GPAT4: variants seen among roughly 807,000 people sequenced by gnomAD.
The protein encoded by GPAT4 is 1-AGP acyltransferase 6.
In GPAT4, 17 loss-of-function variants were observed where a neutral mutation model predicts 58.0. The ratio of observed to expected loss-of-function variants is 0.29; its 90% CI spans 0.20 to 0.44. The LOEUF is 0.44. Ranked by LOEUF, GPAT4 falls within the 20% of genes least tolerant of loss-of-function variation. GPAT4 has a pLI of 1.00. For missense variants in GPAT4, 377 were observed against 574.5 expected (o/e 0.66, Z 3.51); for synonymous variants, 204 against 210.1 (o/e 0.97, Z 0.25).
At chr8:41,608,057 A>G (rs1803333020) in intron 2 of GPAT4, among the ~76,000 whole-genome samples, 1 of 152,242 alleles carries the variant, frequency 6.6e-6, no homozygotes, top group Admixed American at 6.5e-5. Context: ...GTCTGTGCTT[A>G]GAGCCAAAAG....
intron 10 of GPAT4, among the ~76,000 whole-genome samples, chr8:41,615,584 T>G (rs915782726): frequency 3.3e-5 from 5 of 152,042 alleles, no homozygotes; most frequent in African/African-American, 9.7e-5. Context: ...CGTCGACCCT[T>G]TAGGAACTGC....
chr8:41,582,063 C>T (rs1174342781), intron 1 of GPAT4, among the ~76,000 whole-genome samples: 14 of 119,540 alleles, frequency 1.2e-4, no homozygotes, highest in Admixed American at 5.8e-4. Context: ...GGCCTGAGTG[C>T]GGTGGCGAGA....
Position 41,614,290 on chromosome 8 carries a change from G to A in GPAT4, c.912-96G>A, listed in dbSNP as rs1415540885. Reference sequence around the variant, plus strand: ...TTATGCTTGTTAACTTTTTATAATCGAAACTAGTGTCACAAATAAATAGGT... The same window carrying A: ...TTATGCTTGTTAACTTTTTATAATCAAAACTAGTGTCACAAATAAATAGGT... On this transcript the variant is annotated intron_variant, in intron 8 of 12. Coordinates refer to ENST00000396987, the MANE Select transcript of GPAT4 (RefSeq NM_178819.4). The A allele has an allele frequency of 2.0e-5, 21 of 1,048,882 alleles. No individual in the cohort carries two copies. The East Asian group carries it at 2.1e-4, about 10-fold the overall frequency. 65.0% of individuals were successfully genotyped at this position (1,048,882 alleles called of 1,614,324 possible). A position where few individuals can be genotyped will look rare whatever the true frequency, so the allele number is the denominator to read the frequency against.
chr8:41,581,816 G>A (rs1471739684), intron 1 of GPAT4, among the ~76,000 whole-genome samples: 17 of 148,234 alleles, frequency 1.1e-4, no homozygotes, highest in African/African-American at 3.5e-4. Context: ...GTATTTTTTA[G>A]TAGAGACAGG....
Position 41,609,704 on chromosome 8 carries a change from T to G in GPAT4, c.285T>G (p.Ile95Met). 6.2e-7 allele frequency: 1 copy of G among 1,614,030 alleles called. No homozygotes were observed. Among genetic ancestry groups the G allele is most frequent in the Non-Finnish European group, 8.5e-7 (1 of 1,179,990 alleles). Residue 95 changes from isoleucine to methionine, a missense_variant, in exon 4 of 13, where the codon ATT (isoleucine) becomes ATG (methionine). Coordinates refer to ENST00000396987, the MANE Select transcript of GPAT4 (RefSeq NM_178819.4). ...PTSLEEEIKE[I>M]RRSGSSKALD... ...CACTAGAAGAAGAGATCAAAGAGATTCGTCGAAGTGGTAGTAGTAAGGCTC... is the reference window on the plus strand; with the variant it reads ...CACTAGAAGAAGAGATCAAAGAGATGCGTCGAAGTGGTAGTAGTAAGGCTC...
At chr8:41,581,993 A>ATTTTTTTTTTTTTT (rs71230849) in intron 1 of GPAT4, among the ~76,000 whole-genome samples, 2 of 63,592 alleles carry the variant, frequency 3.1e-5, no homozygotes, top group African/African-American at 6.3e-5. Context: ...AAGTTCAATG[A>ATTTTTTTTTTTTTT]TTTTTTTTTT....
Position 41,620,994 on chromosome 8 carries a change from G to A in GPAT4, c.1364G>A (p.Arg455His), listed in dbSNP as rs1419230409. The change falls in exon 13 of 13, where the codon CGC becomes CAC. Residue 455 changes from arginine to histidine, a missense_variant. Arg to His is a conservative substitution (Grantham distance 29). Coordinates refer to ENST00000396987, the MANE Select transcript of GPAT4 (RefSeq NM_178819.4). ...GTGGGGAACCACAAGGACAGGAGCC[G>A]CTCCTGAGCCTGCCTCCAGCTGGCT... ...MIVGNHKDRSRS is the reference protein window; with the variant it reads ...MIVGNHKDRSHS The A allele has an allele frequency of 5.2e-6, 8 of 1,551,010 alleles. No individual in the cohort carries two copies. Among genetic ancestry groups the A allele is most frequent in the Admixed American group, 2.0e-5 (1 of 51,012 alleles).
At chr8:41,620,857 C>CT (rs1803727966) in intron 12 of GPAT4, 36 bp from the exon 13 acceptor site, 1 of 1,549,510 alleles carries the variant, frequency 6.5e-7, no homozygotes. Flanking sequence ...TGGGAGCCCT[C>CT]TTGGCTGTTA....
Position 41,581,993 on chromosome 8 carries a change from ATTTTTTTTTTTTTTTT to A in GPAT4, c.-849+3732_-849+3747del, listed in dbSNP as rs71230849. 2.8e-4 allele frequency among the ~76,000 whole-genome samples: 18 copies of A among 63,610 alleles called. 1 individual carries two copies. The highest frequency in any genetic ancestry group is 8.1e-4 in the Admixed American group (3 of 3,718). The allele number at this position is 63,610 out of a possible 152,430, so 41.7% of individuals were successfully genotyped here. On this transcript the variant is annotated intron_variant, in intron 1 of 12. Coordinates refer to ENST00000396987, the MANE Select transcript of GPAT4 (RefSeq NM_178819.4). ...AGCTTAAATCAAGGGAAGTTCAATGATTTTTTTTTTTTTTTTTTTTTTTTTTTTTTTTGGAGACTGA... is the reference window on the plus strand; with the variant it reads ...AGCTTAAATCAAGGGAAGTTCAATGATTTTTTTTTTTTTTTTGGAGACTGA...
chr8:41,592,228 G>A (rs1802808603), intron 1 of GPAT4, among the ~76,000 whole-genome samples: 1 of 152,130 alleles, frequency 6.6e-6, no homozygotes, highest in Admixed American at 6.5e-5. Context: ...CCTGCCCACT[G>A]GTTGGGTAAT....
intron 1 of GPAT4, among the ~76,000 whole-genome samples, chr8:41,587,308 T>A (rs879491644): frequency 6.6e-6 from 1 of 152,218 alleles, no homozygotes; most frequent in Non-Finnish European, 1.5e-5. Context: ...TAAACACCTT[T>A]AGGCAAAAGT....
At chr8:41,583,306 G>A (rs928474898) in intron 1 of GPAT4, among the ~76,000 whole-genome samples, 6 of 151,498 alleles carry the variant, frequency 4.0e-5, no homozygotes, top group African/African-American at 7.3e-5. Flanking sequence ...GAACTCATTC[G>A]TTCCATTTAA....
At chr8:41,604,050 T>G (rs1803185328) in intron 2 of GPAT4, among the ~76,000 whole-genome samples, 1 of 150,322 alleles carries the variant, frequency 6.7e-6, no homozygotes, top group South Asian at 2.1e-4. Context: ...TTTTTTTTTT[T>G]TTTGCCTTCT....
intron 4 of GPAT4, chr8:41,610,323 T>G (rs1803405112): frequency 1.6e-6 from 2 of 1,221,630 alleles, no homozygotes; most frequent in Non-Finnish European, 2.1e-6. Context: ...CTGCACCATG[T>G]GCTGCTCTGA....
intron 1 of GPAT4, among the ~76,000 whole-genome samples, chr8:41,589,029 A>G (rs1802724348): frequency 6.6e-6 from 1 of 152,142 alleles, no homozygotes. Flanking sequence ...TCATGCTTAT[A>G]TTTACTTGAG....
chr8:41,580,301 TAAGA>T (rs887994090), intron 1 of GPAT4, among the ~76,000 whole-genome samples: 5 of 152,214 alleles, frequency 3.3e-5, no homozygotes, highest in African/African-American at 1.2e-4. Flanking sequence ...CACGGCTATT[TAAGA>T]AAGAGTTACT....
intron 3 of GPAT4, 59 bp downstream of exon 3, chr8:41,609,544 C>T: frequency 1.2e-6 from 2 of 1,602,960 alleles, no homozygotes; most frequent in Non-Finnish European, 1.7e-6. Context: ...TTCCCCAGTG[C>T]TTCTGGTGCC....
intron 2 of GPAT4, among the ~76,000 whole-genome samples, chr8:41,607,926 C>T (rs1417469071): frequency 2.0e-5 from 3 of 152,180 alleles, no homozygotes; most frequent in South Asian, 2.1e-4. Flanking sequence ...TGTGTTTCTG[C>T]ATGCCAGGAT....
rs564204545 is a variant in GPAT4 at position 41,609,642 on chromosome 8, C to T, written c.236-13C>T. 6.3e-5 allele frequency: 102 copies of T among 1,608,972 alleles called. No homozygotes were observed. In the South Asian group the frequency reaches 7.1e-4, roughly 11 times the overall value. On this transcript the variant is annotated splice_polypyrimidine_tract_variant and intron_variant, in intron 3 of 12. Transcript: ENST00000396987. ...CCCAGCGTGCTGCTTGACAGGGACA[C>T]ATTCTTTTGCAGGAATCATTGCAAA...
Sources: gnomAD v4.1 joint callset for allele counts (sites outside exome capture counted in the v4.1 genomes callset) on GRCh38, gnomAD v4.1.1 for gene constraint, MANE v1.5 for transcripts, NCBI Gene and HGNC (gene_info 2026-07-23, HGNC 2026-07-21) for gene names.